The following AUTS2 variants were observed in gnomAD, a reference collection of about 807,000 sequenced individuals.
AUTS2 encodes the protein autism susceptibility gene 2 protein.
Under a neutral mutation model 112.4 loss-of-function variants are expected in AUTS2, and 17 were observed. The observed-to-expected ratio is 0.15, with a 90% CI of 0.10 to 0.23. The LOEUF (loss-of-function observed/expected upper bound fraction) is 0.23. AUTS2 is among the 10% of genes least tolerant of loss of function. AUTS2 has a pLI of 1.00. For synonymous variants in AUTS2, 751 were observed against 702.7 expected, an observed-to-expected ratio of 1.07 and a Z score of -1.09; for missense variants, 1,510 against 1,701.6, an observed-to-expected ratio of 0.89 and a Z score of 1.98.
At chr7:69,616,063 T>C (rs181802941) in intron 1 of AUTS2, among the ~76,000 whole-genome samples, 63 of 152,356 alleles carry the variant, frequency 4.1e-4, no homozygotes, top group African/African-American at 1.5e-3. Flanking sequence ...TTCCCTGCAA[T>C]TGTGAGAAGG....
intron 2 of AUTS2, among the ~76,000 whole-genome samples, chr7:70,090,503 A>C (rs1315108498): frequency 6.6e-6 from 1 of 151,994 alleles, no homozygotes; most frequent in South Asian, 2.1e-4. Flanking sequence ...GGCTGGGACT[A>C]CAGGTGCGCA....
At chr7:69,877,771 TA>T (rs1170462367) in intron 1 of AUTS2, among the ~76,000 whole-genome samples, 3 of 152,210 alleles carry the variant, frequency 2.0e-5, no homozygotes, top group African/African-American at 7.2e-5. Context: ...ATAGACATTA[TA>T]ATGCAGTCTT....
intron 1 of AUTS2, among the ~76,000 whole-genome samples, chr7:69,665,450 C>G (rs1212581073): frequency 6.6e-6 from 1 of 152,152 alleles, no homozygotes; most frequent in Non-Finnish European, 1.5e-5. Context: ...ATAAGCTGTC[C>G]TTACAGGTTT....
At chr7:70,621,838 C>CTTTTTTTTTTTTTTT (rs67123941) in intron 5 of AUTS2, among the ~76,000 whole-genome samples, 2 of 66,788 alleles carry the variant, frequency 3.0e-5, no homozygotes, top group Non-Finnish European at 5.2e-5. Context: ...TAGTCATTCT[C>CTTTTTTTTTTTTTTT]TTTTTTTTTT....
chr7:70,730,713 A>G (rs1006153660), intron 6 of AUTS2, among the ~76,000 whole-genome samples: 2 of 152,210 alleles, frequency 1.3e-5, no homozygotes, highest in Non-Finnish European at 2.9e-5. Context: ...GCTGCCGTGA[A>G]CATTCATGCA....
At chr7:70,177,836 A>C (rs1809072914) in intron 4 of AUTS2, among the ~76,000 whole-genome samples, 1 of 123,454 alleles carries the variant, frequency 8.1e-6, no homozygotes, top group African/African-American at 3.2e-5. Context: ...GACTTTTTTC[A>C]AATCATTGCT....
intron 1 of AUTS2, among the ~76,000 whole-genome samples, chr7:69,886,235 C>G (rs1794265591): frequency 6.6e-6 from 1 of 152,198 alleles, no homozygotes; most frequent in African/African-American, 2.4e-5. Context: ...CATATATGCA[C>G]TTGTTCATGT....
At chr7:70,484,823 T>G (rs1797922201) in intron 5 of AUTS2, among the ~76,000 whole-genome samples, 1 of 152,146 alleles carries the variant, frequency 6.6e-6, no homozygotes, top group Non-Finnish European at 1.5e-5. Flanking sequence ...AAGAAGTACC[T>G]CTGGACATAG....
chr7:69,656,405 C>A (rs1308961024), intron 1 of AUTS2, among the ~76,000 whole-genome samples: 1 of 152,222 alleles, frequency 6.6e-6, no homozygotes, highest in African/African-American at 2.4e-5. Context: ...AAACTTGATA[C>A]AAATAGAAGA....
At chr7:69,619,375 T>C (rs1468216801) in intron 1 of AUTS2, among the ~76,000 whole-genome samples, 1 of 152,152 alleles carries the variant, frequency 6.6e-6, no homozygotes, top group Non-Finnish European at 1.5e-5. Context: ...GTGAAAGTTA[T>C]AGCATTACCT....
At chr7:70,338,456 T>C (rs1791095150) in intron 4 of AUTS2, among the ~76,000 whole-genome samples, 1 of 152,208 alleles carries the variant, frequency 6.6e-6, no homozygotes, top group South Asian at 2.1e-4. Flanking sequence ...AGTTTTCTCT[T>C]TAAAGGTTGT....
rs111377803 is a variant in AUTS2, at chr7:70,167,230, C to T, written c.660+32659C>T. ...GACAGAGGGAGACTCTCAACAAAAA[C>T]AAACAAACAAAACAAAACAAAAACA... On this transcript the variant is annotated intron_variant, in intron 4 of 18. Transcript: ENST00000342771. Among the ~76,000 whole-genome samples, 244 of 152,184 alleles carry T rather than the reference C, an allele frequency of 1.6e-3. 6 individuals carry two copies. The highest frequency in any genetic ancestry group is 5.5e-3 in the African/African-American group (230 of 41,526).
chr7:70,216,406 G>A lies in AUTS2; in HGVS notation c.660+81835G>A, dbSNP rs870199. Among the ~76,000 whole-genome samples, 956 of 152,158 alleles carry A rather than the reference G, an allele frequency of 6.3e-3. 12 individuals carry two copies. Among genetic ancestry groups the A allele is most frequent in the African/African-American group, 0.021 (890 of 41,498 alleles). ...TCCATTTCATATAATTTTTAATTTA[G>A]CATTCATTTTCAACTTAGCAGATGC... On this transcript the variant is annotated intron_variant, in intron 4 of 18. Transcript: ENST00000342771.
chr7:70,487,887 A>C (rs1275169424), intron 5 of AUTS2, among the ~76,000 whole-genome samples: 6 of 152,196 alleles, frequency 3.9e-5, no homozygotes, highest in Admixed American at 6.5e-5. Flanking sequence ...TTCGGTGTGC[A>C]TGTCTTTAAC....
At chr7:69,811,656 T>C (rs576021769) in intron 1 of AUTS2, among the ~76,000 whole-genome samples, 1 of 152,310 alleles carries the variant, frequency 6.6e-6, no homozygotes, top group South Asian at 2.1e-4. Context: ...AGTGATACCT[T>C]TCCCAGGTCC....
At chr7:70,772,525 C>T (rs761187790) in intron 11 of AUTS2, among the ~76,000 whole-genome samples, 3 of 152,170 alleles carry the variant, frequency 2.0e-5, no homozygotes, top group East Asian at 1.9e-4. Flanking sequence ...ATTGGGTTTT[C>T]GTTTTTCTTT....
At chr7:70,763,789 A>G (rs1218739299) in intron 7 of AUTS2, among the ~76,000 whole-genome samples, 1 of 152,052 alleles carries the variant, frequency 6.6e-6, no homozygotes, top group Admixed American at 6.5e-5. Flanking sequence ...GAAGATTGGG[A>G]CCTGATGAGT....
chr7:70,596,664 T>C (rs997972803), intron 5 of AUTS2: 2 of 152,244 alleles, frequency 1.3e-5, no homozygotes, highest in Non-Finnish European at 2.9e-5. Context: ...TCTGGCTACC[T>C]GGATACGCCT....
intron 1 of AUTS2, among the ~76,000 whole-genome samples, chr7:69,772,915 T>C (rs535012287): frequency 6.6e-6 from 1 of 152,210 alleles, no homozygotes; most frequent in South Asian, 2.1e-4. Flanking sequence ...TCCTTGACTT[T>C]ATTTATTACT....
Sources: allele counts gnomAD v4.1 joint callset (sites outside exome capture counted in the v4.1 genomes callset), GRCh38; gene constraint gnomAD v4.1.1; transcripts MANE v1.5; gene names NCBI Gene and HGNC (gene_info 2026-07-23, HGNC 2026-07-21).